Variants in PCCA observed in about 807,000 individuals in gnomAD.
PCCA encodes the protein propionyl-CoA carboxylase alpha chain, mitochondrial.
A neutral mutation model predicts 101.3 loss-of-function variants in PCCA; 74 were observed. The observed-to-expected ratio is 0.73, with a 90% CI of 0.61 to 0.89. The LOEUF (loss-of-function observed/expected upper bound fraction) is 0.89, where lower values mean the gene tolerates loss of function less well. Ranked by LOEUF, PCCA falls within the 40% of genes least tolerant of loss-of-function variation. The probability of loss-of-function intolerance (pLI) is 0.00; values close to 1 mark genes in which losing one functional copy is unlikely to be tolerated. For synonymous variants in PCCA, 294 were observed against 313.6 expected, an observed-to-expected ratio of 0.94 and a Z score of 0.66; for missense variants, 891 against 907.0, an observed-to-expected ratio of 0.98 and a Z score of 0.23.
chr13:100,442,264 G>T (rs1041545674), intron 20 of PCCA, among the ~76,000 whole-genome samples: 18 of 152,110 alleles, frequency 1.2e-4, no homozygotes, highest in Non-Finnish European at 1.2e-4. Context: ...AAAGTGTTGG[G>T]ATTACAGGCG....
intron 7 of PCCA, among the ~76,000 whole-genome samples, chr13:100,232,281 T>A (rs1268881055): frequency 6.6e-6 from 1 of 152,136 alleles, no homozygotes; most frequent in Non-Finnish European, 1.5e-5. Flanking sequence ...TGGTTCCCTC[T>A]GTCTAATGTT....
At chr13:100,092,038 A>G (rs1208742446) in intron 1 of PCCA, among the ~76,000 whole-genome samples, 2 of 151,872 alleles carry the variant, frequency 1.3e-5, no homozygotes, top group South Asian at 2.1e-4. Flanking sequence ...CCCTTGCCTC[A>G]GCCTCCCAAG....
Position 100,111,866 on chromosome 13 carries a change from A to G in PCCA, c.209A>G (p.Asn70Ser), listed in dbSNP as rs778689888. ...EKTFDKILVA[N>S]RGEIACRVIR... ...ACTTTTGATAAAATTCTTGTTGCTA[A>G]TAGAGGAGAAATTGCATGTCGGGTG... is the stretch of plus-strand genomic sequence containing the variant. Residue 70 changes from asparagine to serine, a missense_variant, in exon 3 of 24, where the codon AAT becomes AGT. Asn to Ser is a conservative substitution (Grantham distance 46). Transcript: ENST00000376285. 2 of 1,610,102 alleles carry G rather than the reference A, an allele frequency of 1.2e-6. No individual in the cohort carries two copies. The highest frequency in any genetic ancestry group is 1.7e-5 in the Admixed American group (1 of 59,968).
At chr13:100,436,223 A>T (rs2079924237) in intron 20 of PCCA, among the ~76,000 whole-genome samples, 1 of 152,206 alleles carries the variant, frequency 6.6e-6, no homozygotes. Flanking sequence ...GCAGCCTATA[A>T]GGTTGCAGAA....
intron 4 of PCCA, among the ~76,000 whole-genome samples, chr13:100,139,472 G>T (rs375420894): frequency 6.6e-6 from 1 of 151,660 alleles, no homozygotes; most frequent in Non-Finnish European, 1.5e-5. Flanking sequence ...TCAGTCTTCA[G>T]ATTTATTGAC....
chr13:100,251,759 CTT>C (rs1314068425), intron 8 of PCCA, among the ~76,000 whole-genome samples: 1 of 152,116 alleles, frequency 6.6e-6, no homozygotes, highest in Non-Finnish European at 1.5e-5. Flanking sequence ...GATAAATTGA[CTT>C]TTTATTTTAC....
chr13:100,098,263 A>G (rs2046957347), intron 1 of PCCA, among the ~76,000 whole-genome samples: 1 of 152,184 alleles, frequency 6.6e-6, no homozygotes, highest in Non-Finnish European at 1.5e-5. Flanking sequence ...AATATATTCA[A>G]ATATTCAAAG....
At chr13:100,527,471 A>C in intron 22 of PCCA, 1 of 591,518 alleles carries the variant, frequency 1.7e-6, no homozygotes, top group Non-Finnish European at 3.1e-6. Context: ...TTTTTTTTCC[A>C]ACGAGGACTT....
intron 8 of PCCA, among the ~76,000 whole-genome samples, chr13:100,244,118 C>T (rs771496930): frequency 5.3e-5 from 8 of 152,116 alleles, no homozygotes; most frequent in Non-Finnish European, 1.0e-4. Context: ...TTGCCAATTT[C>T]GTCTTCAGGA....
intron 20 of PCCA, among the ~76,000 whole-genome samples, chr13:100,440,209 T>TATATATATAA (rs1348343858): frequency 9.3e-6 from 1 of 107,486 alleles, no homozygotes; most frequent in Non-Finnish European, 1.8e-5. Flanking sequence ...TATATATATA[T>TATATATATAA]AAAACGTGAT....
intron 4 of PCCA, among the ~76,000 whole-genome samples, chr13:100,145,979 C>T (rs1232679346): frequency 6.7e-6 from 1 of 149,744 alleles, no homozygotes; most frequent in African/African-American, 2.5e-5. Context: ...CTCTATCGCC[C>T]AGGCTGGAGT....
intron 19 of PCCA, among the ~76,000 whole-genome samples, chr13:100,385,447 C>T (rs1458220587): frequency 1.3e-5 from 2 of 151,832 alleles, no homozygotes; most frequent in African/African-American, 4.8e-5. Context: ...GAACAAAAGC[C>T]CTGGTAAAAA....
rs150541442 is a variant in PCCA at position 100,507,836 on chromosome 13, T to C, written c.1900-7591T>C. 2.6e-5 allele frequency among the ~76,000 whole-genome samples: 4 copies of C among 152,242 alleles called. No individual in the cohort carries two copies. In the East Asian group the frequency reaches 7.7e-4, roughly 29 times the overall value. Reference sequence around the variant, plus strand: ...CACGCCTGGCTAATTTTTTGGATTTTTAGTAGAGACGGGGTTTCACTATGT... The same window carrying C: ...CACGCCTGGCTAATTTTTTGGATTTCTAGTAGAGACGGGGTTTCACTATGT... On this transcript the variant is annotated intron_variant, in intron 21 of 23. Coordinates refer to ENST00000376285, the MANE Select transcript of PCCA (RefSeq NM_000282.4).
At chr13:100,244,790 C>T (rs1194709227) in intron 8 of PCCA, among the ~76,000 whole-genome samples, 1 of 151,906 alleles carries the variant, frequency 6.6e-6, no homozygotes, top group Non-Finnish European at 1.5e-5. Context: ...GAAATAGTGT[C>T]ATAAAATAGT....
intron 21 of PCCA, among the ~76,000 whole-genome samples, chr13:100,510,633 C>T (rs2086409756): frequency 6.6e-6 from 1 of 152,234 alleles, no homozygotes; most frequent in South Asian, 2.1e-4. Flanking sequence ...ATGGAAATCT[C>T]AATAATATTG....
intron 20 of PCCA, among the ~76,000 whole-genome samples, chr13:100,432,978 T>C (rs2079661833): frequency 6.6e-6 from 1 of 152,244 alleles, no homozygotes; most frequent in East Asian, 1.9e-4. Context: ...ATGTCTTTCC[T>C]TTTTATGGCT....
At chr13:100,468,461 T>C (rs1329539886) in intron 21 of PCCA, among the ~76,000 whole-genome samples, 1 of 152,246 alleles carries the variant, frequency 6.6e-6, no homozygotes, top group Non-Finnish European at 1.5e-5. Context: ...TGTAGTTTAG[T>C]GTGGCCACCT....
intron 19 of PCCA, among the ~76,000 whole-genome samples, chr13:100,385,186 CAT>C (rs1287900994): frequency 6.6e-6 from 1 of 152,058 alleles, no homozygotes; most frequent in East Asian, 1.9e-4. Context: ...AATGCATAAA[CAT>C]AGAAATTCTT....
intron 21 of PCCA, among the ~76,000 whole-genome samples, chr13:100,470,774 G>C (rs976145083): frequency 1.2e-4 from 18 of 152,154 alleles, no homozygotes; most frequent in African/African-American, 4.3e-4. Flanking sequence ...CGGGAGAATC[G>C]CTTGAACCCG....
Sources: allele counts gnomAD v4.1 joint callset (sites outside exome capture counted in the v4.1 genomes callset), GRCh38; gene constraint gnomAD v4.1.1; transcripts MANE v1.5; gene names NCBI Gene and HGNC (gene_info 2026-07-23, HGNC 2026-07-21).